Variants in WDR72 observed in about 807,000 individuals in gnomAD.
WDR72 encodes WD repeat domain 72.
A neutral mutation model predicts 124.2 loss-of-function variants in WDR72; 120 were observed. That is an observed-to-expected ratio of 0.97 (90% CI 0.83 to 1.12). WDR72 has a LOEUF of 1.12. WDR72 is among the 50% of genes most tolerant of loss of function. The pLI is 0.00. For synonymous variants in WDR72, 452 were observed against 441.7 expected, an observed-to-expected ratio of 1.02 and a Z score of -0.29; for missense variants, 1,387 against 1,278.8, an observed-to-expected ratio of 1.08 and a Z score of -1.29.
intron 12 of WDR72, among the ~76,000 whole-genome samples, chr15:53,701,559 T>TCTCTCTCTCACACACACACACA (rs369568228): frequency 5.0e-5 from 6 of 120,166 alleles, no homozygotes; most frequent in African/African-American, 1.7e-4. Context: ...TCTCTCTCTC[T>TCTCTCTCTCACACACACACACA]CACACACACA....
chr15:53,679,344 T>A (rs2016296469), intron 13 of WDR72, among the ~76,000 whole-genome samples: 1 of 152,232 alleles, frequency 6.6e-6, no homozygotes, highest in African/African-American at 2.4e-5. Flanking sequence ...ACATCTTTGT[T>A]TATATTTTAC....
chr15:53,534,721 C>A (rs182360677), intron 18 of WDR72, among the ~76,000 whole-genome samples: 1 of 152,010 alleles, frequency 6.6e-6, no homozygotes, highest in Non-Finnish European at 1.5e-5. Flanking sequence ...GGTACTCTCA[C>A]GTAAAGTACT....
intron 18 of WDR72, among the ~76,000 whole-genome samples, chr15:53,595,679 A>G (rs12708432): frequency 0.31 from 46,847 of 151,958 alleles, 7,432 homozygotes; most frequent in Admixed American, 0.4. Flanking sequence ...CAATGACACT[A>G]TGGGCAGCCC....
chr15:53,721,262 T>C (rs1050673042), intron 3 of WDR72, among the ~76,000 whole-genome samples: 27 of 152,208 alleles, frequency 1.8e-4, no homozygotes, highest in Admixed American at 1.5e-3. Context: ...TCATCAAAAA[T>C]ATATCCATTA....
chr15:53,670,672 T>G lies in WDR72; in HGVS notation c.1766-4904A>C, dbSNP rs75537530. ...TACTTTACATCTCTGTGCCTCAATA[T>G]CTTCATCTGTACAATGGGGATAATA... On this transcript the variant is annotated intron_variant, in intron 13 of 19. Coordinates refer to ENST00000360509, the MANE Select transcript of WDR72 (RefSeq NM_182758.4). Among the ~76,000 whole-genome samples the G allele has an allele frequency of 3.0e-3, 458 of 152,324 alleles. 8 individuals are homozygous for G. The highest frequency in any genetic ancestry group is 0.02 in the Admixed American group (311 of 15,302).
At chr15:53,689,200 C>A (rs1264052136) in intron 13 of WDR72, among the ~76,000 whole-genome samples, 4 of 151,926 alleles carry the variant, frequency 2.6e-5, no homozygotes, top group Non-Finnish European at 4.4e-5. Flanking sequence ...CCAACAAAAG[C>A]CAAAATTGAC....
At chr15:53,760,105 A>T (rs1311500805), upstream of WDR72, among the ~76,000 whole-genome samples, 1 of 151,596 alleles carries the variant, frequency 6.6e-6, no homozygotes, top group Non-Finnish European at 1.5e-5. Context: ...CAGACAAACA[A>T]TGCGTAATAA....
At chr15:53,683,931 A>C (rs1425581970) in intron 13 of WDR72, among the ~76,000 whole-genome samples, 1 of 152,148 alleles carries the variant, frequency 6.6e-6, no homozygotes, top group East Asian at 1.9e-4. Context: ...CCTTTTTTAC[A>C]CCATGAACCC....
rs2017717863 is a variant in WDR72 at position 53,716,640 on chromosome 15, C to G, written c.306G>C (p.Lys102Asn). 3 of 1,610,090 alleles carry G rather than the reference C, an allele frequency of 1.9e-6. No individual in the cohort carries two copies. Among genetic ancestry groups the G allele is most frequent in the East Asian group, 2.2e-5 (1 of 44,856 alleles). Reference protein sequence around the residue: ...WNVTNGQCMEKATLPYRHTAI... With the variant: ...WNVTNGQCMENATLPYRHTAI... ...CAGTGTGCCTGTAAGGAAGTGTAGC[C>G]TTCTCCATGCACTGTCCATTGGTGA... Residue 102 changes from lysine (K) to asparagine (N), a missense_variant, in exon 4 of 20, where the codon AAG becomes AAC. Physicochemically the swap from Lys to Asn is moderately conservative, Grantham distance 94 (BLOSUM62 0). Transcript: ENST00000360509.
At chr15:53,708,908 T>C (rs2017458961) in intron 9 of WDR72, among the ~76,000 whole-genome samples, 1 of 152,150 alleles carries the variant, frequency 6.6e-6, no homozygotes, top group South Asian at 2.1e-4. Flanking sequence ...GAGATCCTCA[T>C]GCAGCTGCTG....
At chr15:53,687,772 T>C (rs1417881005) in intron 13 of WDR72, among the ~76,000 whole-genome samples, 4,120 of 146,020 alleles carry the variant, frequency 0.028, 197 homozygotes, top group African/African-American at 0.11. Flanking sequence ...AAGAGAATTT[T>C]AGACCAATAT....
chr15:53,702,095 T>A, intron 12 of WDR72, 39 bp downstream of exon 12: 1 of 1,470,852 alleles, frequency 6.8e-7, no homozygotes, highest in South Asian at 1.2e-5. Flanking sequence ...ATTTATATAA[T>A]TTTCAAATTT....
chr15:53,693,412 A>G (rs1403352073), intron 13 of WDR72, among the ~76,000 whole-genome samples: 2 of 152,180 alleles, frequency 1.3e-5, no homozygotes, highest in East Asian at 3.9e-4. Flanking sequence ...CATATTCTAC[A>G]TACCCCTCAC....
intron 18 of WDR72, among the ~76,000 whole-genome samples, chr15:53,564,540 A>G (rs1181828887): frequency 6.6e-6 from 1 of 151,894 alleles, no homozygotes; most frequent in Admixed American, 6.6e-5. Flanking sequence ...CTCCAGGTCA[A>G]CTGCATAGCC....
intron 14 of WDR72, among the ~76,000 whole-genome samples, chr15:53,630,674 A>C (rs1191362149): frequency 6.6e-6 from 1 of 152,218 alleles, no homozygotes; most frequent in East Asian, 1.9e-4. Context: ...CATAATAAAA[A>C]ACACCCAAGA....
chr15:53,725,001 C>A, intron 2 of WDR72, among the ~76,000 whole-genome samples: 2 of 151,704 alleles, frequency 1.3e-5, no homozygotes, highest in African/African-American at 2.4e-5. Context: ...AAGAAAAGAT[C>A]AAGAAAATAA....
At chr15:53,520,724 T>A (rs1028714197) in intron 19 of WDR72, among the ~76,000 whole-genome samples, 1 of 152,060 alleles carries the variant, frequency 6.6e-6, no homozygotes, top group African/African-American at 2.4e-5. Context: ...AACCCCTACA[T>A]TTTGAAAGAC....
intron 18 of WDR72, among the ~76,000 whole-genome samples, chr15:53,541,483 A>C (rs1179023193): frequency 2.0e-5 from 3 of 150,136 alleles, no homozygotes; most frequent in Non-Finnish European, 4.4e-5. Context: ...CACAGCAAAA[A>C]CTCATCTGTA....
At position 53,670,275 on chromosome 15, in the gene WDR72, C is replaced by A. The variant is rs113415577; in HGVS notation, c.1766-4507G>T. On this transcript the variant is annotated intron_variant, in intron 13 of 19. Transcript: ENST00000360509. Reference sequence around the variant, plus strand: ...AAAGATAGCTTAAAGCAATTAACATCTTGATAAGAAATGAAGGAAAGATCA... The same window carrying A: ...AAAGATAGCTTAAAGCAATTAACATATTGATAAGAAATGAAGGAAAGATCA... Among the ~76,000 whole-genome samples the A allele has an allele frequency of 7.4e-3, 1,127 of 152,244 alleles. 10 individuals carry two copies. Among genetic ancestry groups the A allele is most frequent in the African/African-American group, 0.026 (1,093 of 41,528 alleles).
Sources: allele counts gnomAD v4.1 joint callset (sites outside exome capture counted in the v4.1 genomes callset), GRCh38; gene constraint gnomAD v4.1.1; transcripts MANE v1.5; gene names NCBI Gene and HGNC (gene_info 2026-07-23, HGNC 2026-07-21).